Variants in TIMM17B observed in about 807,000 individuals in gnomAD.
TIMM17B encodes the protein translocase of inner mitochondrial membrane 17B.
A neutral mutation model predicts 15.9 loss-of-function variants in TIMM17B; 10 were observed. The observed-to-expected ratio is 0.63, with a 90% confidence interval of 0.39 to 1.06. TIMM17B has a LOEUF of 1.06. Ranked by LOEUF, TIMM17B falls within the 50% of genes least tolerant of loss-of-function variation. The probability of loss-of-function intolerance (pLI) is 0.01; values close to 1 mark genes in which losing one functional copy is unlikely to be tolerated. For missense variants in TIMM17B, 114 were observed against 152.2 expected (o/e 0.75, Z 1.32); for synonymous variants, 57 against 57.2 (o/e 1.00, Z 0.02).
At position 48,895,491 on chromosome X, in the gene TIMM17B, A is replaced by G. The variant is rs1557039335; in HGVS notation, c.127-390T>C. The G allele has an allele frequency of 9.7e-6, 5 of 515,892 alleles. No individual in the cohort carries two copies. The South Asian group carries it at 9.8e-5, about 10-fold the overall frequency. 42.5% of individuals were successfully genotyped at this position (515,892 alleles called of 1,213,427 possible). A position where few individuals can be genotyped will look rare whatever the true frequency, so the allele number is the denominator to read the frequency against. On this transcript the variant is annotated intron_variant, in intron 3 of 6. Coordinates refer to ENST00000376582, the Ensembl canonical transcript of TIMM17B. ...GTAGATAAACAAGGGAGCTTCAGAC[A>G]GCAATCTGCACTGTAGAGGAAATGC... is the stretch of plus-strand genomic sequence containing the variant.
chrX:48,896,917 C>G (rs1322807401), intron 2 of TIMM17B, 59 bp from the exon 2 acceptor site: 2 of 1,193,938 alleles, frequency 1.7e-6, no homozygotes, highest in Non-Finnish European at 2.3e-6. Flanking sequence ...TCCTGTCACA[C>G]GAACTCTTTT....
intron 2 of TIMM17B, chrX:48,897,113 T>C (rs1409870313): frequency 1.0e-5 from 6 of 575,748 alleles, no homozygotes; most frequent in African/African-American, 2.3e-5. Context: ...GCCAACGGTT[T>C]TACTGTGATC....
At chrX:48,895,317 T>C in intron 3 of TIMM17B, 1 of 508,544 alleles carries the variant, frequency 2.0e-6, no homozygotes. Flanking sequence ...CATTTGTTCA[T>C]TCATTCATTC....
intron 3 of TIMM17B, chrX:48,895,595 A>G (rs782783400): frequency 3.0e-5 from 14 of 468,573 alleles, no homozygotes; most frequent in African/African-American, 2.9e-4. Context: ...GACCTTGAGG[A>G]TGACAAACTT....
chrX:48,895,013 ATATC>A, intron 4 of TIMM17B, 21 bp downstream of exon 3: 2 of 1,170,220 alleles, frequency 1.7e-6, no homozygotes, highest in Non-Finnish European at 2.3e-6. Context: ...GACATCTCCT[ATATC>A]TATCTCCCCA....
At chrX:48,895,070 T>C (rs1048288025) in exon 4 of TIMM17B, 2 of 1,202,289 alleles carry the variant, frequency 1.7e-6, no homozygotes, top group Non-Finnish European at 2.2e-6. Flanking sequence ...CCTCACAGCA[T>C]TGGCACTACC....
intron 2 of TIMM17B, 137 bp downstream of exon 1, chrX:48,897,587 G>T: frequency 1.9e-6 from 1 of 513,471 alleles, no homozygotes. Context: ...GGAACCGAGT[G>T]GGGGTAGCGG....
chrX:48,897,744 C>T (rs1774026498), exon 2 of TIMM17B: 1 of 1,208,558 alleles, frequency 8.3e-7, no homozygotes, highest in East Asian at 3.0e-5. Context: ...GAGCGTACTC[C>T]TCCATGGCGC....
At chrX:48,894,320 G>A (rs1354278508) in intron 4 of TIMM17B, 95 bp from the exon 4 acceptor site, 50 of 977,322 alleles carry the variant, frequency 5.1e-5, no homozygotes, top group Middle Eastern at 2.7e-4. Flanking sequence ...GCCAAGAACA[G>A]GGAGAAAAAC....
chrX:48,897,947 G>C (rs1420805780), intron 1 of TIMM17B, 179 bp from the exon 1 acceptor site: 12 of 860,570 alleles, frequency 1.4e-5, no homozygotes, highest in Middle Eastern at 2.9e-4. Context: ...TTTCAGGCTC[G>C]GGGAGTGAAG....
chrX:48,898,116 G>A lies in TIMM17B; in HGVS notation c.-122C>T, dbSNP rs2063336381. 7 of 1,017,689 alleles carry A rather than the reference G, an allele frequency of 6.9e-6. No individual in the cohort carries two copies. In the South Asian group the frequency reaches 1.4e-4, roughly 21 times the overall value. 83.9% of individuals were successfully genotyped at this position (1,017,689 alleles called of 1,213,427 possible). A position where few individuals can be genotyped will look rare whatever the true frequency, so the allele number is the denominator to read the frequency against. On this transcript the variant is annotated 5_prime_UTR_variant, in exon 1 of 7. Transcript: ENST00000376582. Reference sequence around the variant, plus strand: ...GGGGTGGGTGCACTCTTTTGGAGCTGGAGGAAGTGCTGCCCTCTGCTCCCC... The same window carrying A: ...GGGGTGGGTGCACTCTTTTGGAGCTAGAGGAAGTGCTGCCCTCTGCTCCCC...
chrX:48,897,793 A>G (rs782585960), exon 2 of TIMM17B: 2 of 1,202,876 alleles, frequency 1.7e-6, no homozygotes, highest in Middle Eastern at 2.3e-4. Flanking sequence ...CCCCCAGCGT[A>G]GACGCACACC....
chrX:48,897,633 G>T, intron 2 of TIMM17B, 91 bp downstream of exon 1: 1 of 727,033 alleles, frequency 1.4e-6, no homozygotes, highest in Non-Finnish European at 2.1e-6. Flanking sequence ...CTGGTACATG[G>T]CTCTGTGCGG....
intron 3 of TIMM17B, 21 bp from the exon 3 acceptor site, chrX:48,895,122 C>T (rs781982548): frequency 1.1e-4 from 134 of 1,170,485 alleles, no homozygotes; most frequent in Admixed American, 9.6e-5. Flanking sequence ...GAAGGAAGGG[C>T]GTTAGGGCAG....
At chrX:48,897,007 T>G in intron 2 of TIMM17B, 149 bp from the exon 2 acceptor site, 1 of 1,078,587 alleles carries the variant, frequency 9.3e-7, no homozygotes, top group Non-Finnish European at 1.2e-6. Flanking sequence ...GAGCTAGTTC[T>G]GTCACGCTTT....
chrX:48,897,803 C>T (rs1226512323), exon 2 of TIMM17B: 6 of 1,194,427 alleles, frequency 5.0e-6, no homozygotes, highest in African/African-American at 3.5e-5. Flanking sequence ...AGACGCACAC[C>T]GGCGTCGGAG....
intron 4 of TIMM17B, 75 bp from the exon 4 acceptor site, chrX:48,894,300 G>A: frequency 9.2e-7 from 1 of 1,082,458 alleles, no homozygotes; most frequent in Non-Finnish European, 1.3e-6. Flanking sequence ...TCCAAGGCCT[G>A]AATGCTTTGG....
At chrX:48,893,816 C>T (rs370878023) in exon 7 of TIMM17B, 28 of 1,178,346 alleles carry the variant, frequency 2.4e-5, no homozygotes, top group Middle Eastern at 4.7e-4. Flanking sequence ...GGAATGGGGG[C>T]GCTGGAGAAG....
chrX:48,894,114 G>A, exon 5 of TIMM17B: 1 of 1,199,164 alleles, frequency 8.3e-7, no homozygotes. Flanking sequence ...AGCCAGCACA[G>A]CCCCGGTCAA....
Sources: allele counts gnomAD v4.1 joint callset, GRCh38; gene constraint gnomAD v4.1.1; transcripts MANE v1.5; gene names NCBI Gene and HGNC (gene_info 2026-07-23, HGNC 2026-07-21).